STK32B: variants seen among roughly 807,000 people sequenced by gnomAD.
STK32B encodes the protein serine/threonine kinase 32B, also known as serine/threonine-protein kinase 32B.
Under a neutral mutation model 52.6 loss-of-function variants are expected in STK32B, and 43 were observed. The ratio of observed to expected loss-of-function variants is 0.82; its 90% CI spans 0.64 to 1.05. The LOEUF is 1.05. Ranked by LOEUF, STK32B falls within the 50% of genes least tolerant of loss-of-function variation. The probability of loss-of-function intolerance (pLI) is 0.00; values close to 1 mark genes in which losing one functional copy is unlikely to be tolerated. For missense variants in STK32B, 621 were observed against 534.6 expected, an observed-to-expected ratio of 1.16 and a Z score of -1.59; for synonymous variants, 238 against 204.3, an observed-to-expected ratio of 1.17 and a Z score of -1.41.
At chr4:5,419,828 TC>T (rs1220703634) in intron 6 of STK32B, among the ~76,000 whole-genome samples, 2 of 152,224 alleles carry the variant, frequency 1.3e-5, no homozygotes, top group Non-Finnish European at 2.9e-5. Flanking sequence ...TACCATCATA[TC>T]CCTAGAATCC....
At chr4:5,019,582 C>G in the STK32B span, 1 of 926,794 alleles carries the variant, frequency 1.1e-6, no homozygotes, top group African/African-American at 1.7e-5. Flanking sequence ...AGGAAGCCAG[C>G]ACGCCCACCG....
At chr4:5,480,765 A>G (rs912771164) in intron 11 of STK32B, among the ~76,000 whole-genome samples, 3 of 151,912 alleles carry the variant, frequency 2.0e-5, no homozygotes, top group African/African-American at 4.8e-5. Flanking sequence ...CCAGTGTGTA[A>G]TGTTCCCCTT....
At chr4:5,116,553 A>G (rs1052805543) in intron 1 of STK32B, among the ~76,000 whole-genome samples, 6 of 152,160 alleles carry the variant, frequency 3.9e-5, no homozygotes, top group Admixed American at 2.0e-4. Flanking sequence ...TTTGTAGTAT[A>G]TTTTGAAATC....
At chr4:5,407,462 A>G (rs978741507) in intron 5 of STK32B, among the ~76,000 whole-genome samples, 6 of 152,068 alleles carry the variant, frequency 3.9e-5, no homozygotes, top group South Asian at 2.1e-4. Flanking sequence ...CCAATTTTCT[A>G]TATTAGTTTG....
At chr4:5,145,243 C>T (rs1716819502) in intron 2 of STK32B, among the ~76,000 whole-genome samples, 1 of 152,204 alleles carries the variant, frequency 6.6e-6, no homozygotes, top group East Asian at 1.9e-4. Flanking sequence ...AATACCTATC[C>T]TTCTACCCAC....
chr4:5,046,234 T>G, the STK32B span, among the ~76,000 whole-genome samples: 1 of 152,142 alleles, frequency 6.6e-6, no homozygotes, highest in African/African-American at 2.4e-5. Flanking sequence ...CACCTAATTT[T>G]CGACAAACGT....
chr4:5,030,199 A>T, the STK32B span, among the ~76,000 whole-genome samples: 1 of 152,234 alleles, frequency 6.6e-6, no homozygotes, highest in African/African-American at 2.4e-5. Context: ...GAAAACCAAT[A>T]CATGGACTAA....
At chr4:5,388,857 C>G (rs1247974861) in intron 4 of STK32B, among the ~76,000 whole-genome samples, 1 of 152,210 alleles carries the variant, frequency 6.6e-6, no homozygotes, top group Non-Finnish European at 1.5e-5. Flanking sequence ...CCTTTGAAAT[C>G]TCCCTGAGAT....
At chr4:5,230,638 G>A (rs984084368) in intron 3 of STK32B, among the ~76,000 whole-genome samples, 2 of 152,140 alleles carry the variant, frequency 1.3e-5, no homozygotes, top group African/African-American at 4.8e-5. Context: ...AAAGGTCTGG[G>A]ACAGCCCCAA....
chr4:5,391,441 TA>T (rs202137609), intron 4 of STK32B, among the ~76,000 whole-genome samples: 1,726 of 152,314 alleles, frequency 0.011, 20 homozygotes, highest in South Asian at 0.057. Flanking sequence ...ACAGTATTTC[TA>T]AATAAGATCA....
At chr4:5,211,102 C>G (rs1722879122) in intron 3 of STK32B, among the ~76,000 whole-genome samples, 1 of 152,116 alleles carries the variant, frequency 6.6e-6, no homozygotes, top group Admixed American at 6.6e-5. Flanking sequence ...ACCAGAAATA[C>G]TTCTTATATC....
intron 3 of STK32B, among the ~76,000 whole-genome samples, chr4:5,329,307 A>G (rs976587374): frequency 1.3e-5 from 2 of 151,372 alleles, no homozygotes; most frequent in African/African-American, 4.9e-5. Context: ...ATCTTACTCC[A>G]CTCCTGCCCA....
In STK32B at chr4:5,456,932, G is replaced by C; in HGVS notation, c.783+9G>C. Reference sequence around the variant, plus strand: ...TGGCCCTGCTGAGGAAGGTAAGGGGGCAGCTTCCAGCCTGCCCCGCCAGGG... The same window carrying C: ...TGGCCCTGCTGAGGAAGGTAAGGGGCCAGCTTCCAGCCTGCCCCGCCAGGG... On this transcript the variant is annotated intron_variant, in intron 8 of 11. Transcript: ENST00000282908. The C allele has an allele frequency of 1.3e-6, 2 of 1,515,828 alleles. No homozygotes were observed. Among genetic ancestry groups the C allele is most frequent in the Non-Finnish European group, 1.8e-6 (2 of 1,126,150 alleles). 93.9% of individuals were successfully genotyped at this position (1,515,828 alleles called of 1,614,324 possible). A position where few individuals can be genotyped will look rare whatever the true frequency, so the allele number is the denominator to read the frequency against.
intron 3 of STK32B, among the ~76,000 whole-genome samples, chr4:5,268,022 G>A (rs1382334012): frequency 6.6e-6 from 1 of 152,144 alleles, no homozygotes; most frequent in East Asian, 1.9e-4. Context: ...ATAGTTACAG[G>A]ACAGCAGTTG....
chr4:5,243,966 C>T (rs1487959195), intron 3 of STK32B, among the ~76,000 whole-genome samples: 1 of 152,088 alleles, frequency 6.6e-6, no homozygotes, highest in Non-Finnish European at 1.5e-5. Context: ...TGATGTGCTG[C>T]TGGATTCAGT....
chr4:5,097,555 G>A (rs927110679), intron 1 of STK32B, among the ~76,000 whole-genome samples: 1 of 152,160 alleles, frequency 6.6e-6, no homozygotes, highest in Non-Finnish European at 1.5e-5. Context: ...TGATGTTTTA[G>A]CTTCCAGACA....
chr4:5,178,306 C>A (rs1415829824), intron 3 of STK32B, among the ~76,000 whole-genome samples: 1 of 152,226 alleles, frequency 6.6e-6, no homozygotes, highest in East Asian at 1.9e-4. Flanking sequence ...GAACTTTGGC[C>A]TTTCTTAGCT....
chr4:5,058,059 C>A lies in STK32B; in HGVS notation c.52+6144C>A, dbSNP rs1577619428. On this transcript the variant is annotated intron_variant, in intron 1 of 11. Transcript: ENST00000282908. The surrounding 1 kb of genome is among the most constrained non-coding windows in gnomAD (Gnocchi z 4.8). ...ACGTTGTTAGCAATCCTGGAGTCTTCTTCTTCTCAGTCCTTGATTTTTGTG... is the reference window on the plus strand; with the variant it reads ...ACGTTGTTAGCAATCCTGGAGTCTTATTCTTCTCAGTCCTTGATTTTTGTG... Among the ~76,000 whole-genome samples the A allele has an allele frequency of 6.6e-6, 1 of 152,308 alleles. No homozygotes were observed. Among genetic ancestry groups the A allele is most frequent in the South Asian group, 2.1e-4 (1 of 4,826 alleles).
Position 5,088,809 on chromosome 4 carries a change from A to C in STK32B, c.52+36894A>C, listed in dbSNP as rs143243242. 7.2e-4 allele frequency among the ~76,000 whole-genome samples: 110 copies of C among 152,054 alleles called. 1 individual carries two copies. Among genetic ancestry groups the C allele is most frequent in the Admixed American group, 1.3e-3 (20 of 15,258 alleles). ...TGCAGTGAAAGCAGTGCTCAGAGGG[A>C]AATTTATAGTTGAATGTTTACATTA... is the stretch of plus-strand genomic sequence containing the variant. On this transcript the variant is annotated intron_variant, in intron 1 of 11. Coordinates refer to ENST00000282908, the MANE Select transcript of STK32B (RefSeq NM_018401.3).
Sources: allele counts gnomAD v4.1 joint callset (sites outside exome capture counted in the v4.1 genomes callset), GRCh38; gene constraint gnomAD v4.1.1; non-coding constraint Gnocchi (gnomAD v3.1); transcripts MANE v1.5; gene names NCBI Gene and HGNC (gene_info 2026-07-23, HGNC 2026-07-21).